The following UNC80 variants were observed in gnomAD, a reference collection of about 807,000 sequenced individuals.
UNC80 encodes unc-80 subunit of NALCN channel complex.
A neutral mutation model predicts 384.6 loss-of-function variants in UNC80; 164 were observed. That is an observed-to-expected ratio of 0.43 (90% CI 0.38 to 0.49). The LOEUF (loss-of-function observed/expected upper bound fraction) is 0.49. Ranked by LOEUF, UNC80 falls within the 20% of genes least tolerant of loss-of-function variation. The pLI is 0.00. For synonymous variants in UNC80, 1,486 were observed against 1,527.8 expected (o/e 0.97, Z 0.64); for missense variants, 3,330 against 4,143.0 (o/e 0.80, Z 5.39).
At chr2:209,918,072 T>C in intron 32 of UNC80, 114 bp downstream of exon 32, 1 of 1,011,636 alleles carries the variant, frequency 9.9e-7, no homozygotes, top group Non-Finnish European at 1.4e-6. Flanking sequence ...CTTTTTTCTC[T>C]CTGATCATAT....
In UNC80 at chr2:209,849,562, T is replaced by C. The variant is rs2082378769; in HGVS notation, c.3566T>C (p.Leu1189Ser). The C allele has an allele frequency of 1.3e-6, 2 of 1,550,920 alleles. No individual in the cohort carries two copies. The highest frequency in any genetic ancestry group is 2.4e-5 in the South Asian group (2 of 84,042). Residue 1189 changes from leucine to serine, a missense_variant, in exon 22 of 65, where the codon TTA (leucine) becomes TCA (serine). Leu to Ser is a moderately radical substitution (Grantham distance 145). Coordinates refer to ENST00000673920, the MANE Select transcript of UNC80 (RefSeq NM_001371986.1). ...RQGMKRFQFL[L>S]NCCEPGTIPD... ...GGCATGAAACGCTTCCAATTTCTGT[T>C]AAACTGCTGTGAGCCAGGGACAATT...
At chr2:209,946,299 G>A (rs1276969452) in intron 47 of UNC80, among the ~76,000 whole-genome samples, 4 of 151,616 alleles carry the variant, frequency 2.6e-5, no homozygotes, top group Admixed American at 6.6e-5. Flanking sequence ...AATCCCAGGC[G>A]GTCAAGGCTG....
chr2:209,966,259 T>A (rs1315337807), intron 51 of UNC80, among the ~76,000 whole-genome samples: 1 of 152,236 alleles, frequency 6.6e-6, no homozygotes, highest in East Asian at 1.9e-4. Flanking sequence ...TGACAAAGAA[T>A]ATGAACATTT....
chr2:209,872,047 G>A lies in UNC80; in HGVS notation c.3628-711G>A, dbSNP rs2084348736. 6.6e-6 allele frequency among the ~76,000 whole-genome samples: 1 copy of A among 151,644 alleles called. No individual in the cohort carries two copies. Among genetic ancestry groups the A allele is most frequent in the South Asian group, 2.1e-4 (1 of 4,822 alleles). ...AGGTGGAGTCTCACTCTGTCTCCCA[G>A]GCTGGAGTGCAGTGGCGCGATCTCA... On this transcript the variant is annotated intron_variant, in intron 22 of 64. Transcript: ENST00000673920. The surrounding 1 kb of genome is among the most constrained non-coding windows in gnomAD (Gnocchi z 4.1).
chr2:209,810,727 C>T (rs1414790237), intron 7 of UNC80, among the ~76,000 whole-genome samples: 1 of 152,282 alleles, frequency 6.6e-6, no homozygotes, highest in East Asian at 1.9e-4. Context: ...GGGTGAAGAA[C>T]AACTACCAGC....
At chr2:209,794,641 G>A (rs1032116166) in intron 7 of UNC80, among the ~76,000 whole-genome samples, 5 of 152,216 alleles carry the variant, frequency 3.3e-5, no homozygotes, top group Non-Finnish European at 5.9e-5. Flanking sequence ...CCCACGTGTT[G>A]TGGGAGGGAC....
At chr2:209,947,506 A>G (rs114885517) in intron 47 of UNC80, among the ~76,000 whole-genome samples, 8 of 152,324 alleles carry the variant, frequency 5.3e-5, no homozygotes, top group Non-Finnish European at 7.3e-5. Flanking sequence ...TGTCATTGTG[A>G]GTTAAAAGCC....
At chr2:209,840,773 C>A in intron 20 of UNC80, 125 bp downstream of exon 20, 2 of 730,242 alleles carry the variant, frequency 2.7e-6, no homozygotes, top group Non-Finnish European at 4.5e-6. Flanking sequence ...TCCAGATGAG[C>A]TAACTTTGGA....
intron 7 of UNC80, among the ~76,000 whole-genome samples, chr2:209,810,979 A>AATT (rs1393320526): frequency 6.6e-6 from 1 of 152,120 alleles, no homozygotes; most frequent in African/African-American, 2.4e-5. Flanking sequence ...CTGAGGTATA[A>AATT]ATGATAGGCT....
intron 24 of UNC80, among the ~76,000 whole-genome samples, chr2:209,879,576 C>T (rs898235557): frequency 2.0e-5 from 3 of 152,086 alleles, no homozygotes; most frequent in African/African-American, 4.8e-5. Flanking sequence ...AGGAGTGAAA[C>T]GGCAGACCCA....
At chr2:209,784,383 A>C (rs568139299) in intron 4 of UNC80, among the ~76,000 whole-genome samples, 1 of 152,250 alleles carries the variant, frequency 6.6e-6, no homozygotes, top group African/African-American at 2.4e-5. Context: ...ATAATTGCTA[A>C]AGTCCTTATC....
intron 27 of UNC80, among the ~76,000 whole-genome samples, chr2:209,895,589 A>G (rs1057029907): frequency 2.0e-5 from 3 of 152,214 alleles, no homozygotes; most frequent in African/African-American, 7.2e-5. Context: ...GCAATTAATT[A>G]TTTAAATTGA....
At chr2:209,905,154 G>A (rs2088031055) in intron 29 of UNC80, among the ~76,000 whole-genome samples, 189 bp downstream of exon 29, 1 of 152,120 alleles carries the variant, frequency 6.6e-6, no homozygotes, top group Non-Finnish European at 1.5e-5. Context: ...AGTAAACATG[G>A]AATCTTTCCT....
chr2:209,814,374 T>TAC (rs2079580564), intron 8 of UNC80, among the ~76,000 whole-genome samples: 2 of 152,172 alleles, frequency 1.3e-5, no homozygotes, highest in African/African-American at 4.8e-5. Context: ...TAGCTGGGAC[T>TAC]GCAGGACTAC....
intron 28 of UNC80, among the ~76,000 whole-genome samples, chr2:209,903,170 G>A (rs2087624460): frequency 6.6e-6 from 1 of 150,476 alleles, no homozygotes; most frequent in Non-Finnish European, 1.5e-5. Flanking sequence ...TCCCAAAAAT[G>A]TCTGTGCATT....
rs2088340326 is a variant in UNC80 at position 209,907,252 on chromosome 2, C to A, written c.4782+2287C>A. Among the ~76,000 whole-genome samples, 4 of 143,494 alleles carry A rather than the reference C, an allele frequency of 2.8e-5. No homozygotes were observed. The South Asian group carries it at 6.6e-4, about 24-fold the overall frequency. The allele number at this position is 143,494 out of a possible 152,430, so 94.1% of individuals were successfully genotyped here. A position where few individuals can be genotyped will look rare whatever the true frequency, so the allele number is the denominator to read the frequency against. ...ACAGGCTTTTAAAGAACCTGTGGAC[C>A]ATGCTGAGCCCATACTTTGCGCTGG... On this transcript the variant is annotated intron_variant, in intron 29 of 64. Transcript: ENST00000673920.
chr2:209,941,261 C>G lies in UNC80; in HGVS notation c.6687C>G (p.Ser2229Arg), dbSNP rs2091612601. The G allele has an allele frequency of 6.5e-7, 1 of 1,536,962 alleles. No individual in the cohort carries two copies. The highest frequency in any genetic ancestry group is 2.5e-5 in the East Asian group (1 of 40,506). ...TTGGCCTCGACACTCTTCAGAAAAGCTTGTGGATCCAGCTGCTGGAGGAAA... is the reference window on the plus strand; with the variant it reads ...TTGGCCTCGACACTCTTCAGAAAAGGTTGTGGATCCAGCTGCTGGAGGAAA... ...ELFGLDTLQK[S>R]LWIQLLEEMF... Residue 2229 changes from serine to arginine, a missense_variant, in exon 44 of 65, where the codon AGC becomes AGG. Transcript: ENST00000673920.
chr2:209,944,988 C>T, intron 45 of UNC80, 63 bp from the exon 46 acceptor site: 1 of 1,514,410 alleles, frequency 6.6e-7, no homozygotes, highest in Non-Finnish European at 8.9e-7. Flanking sequence ...AATTTGAATT[C>T]CTGTCAAGTT....
At chr2:209,902,460 G>A (rs1232942010) in intron 28 of UNC80, among the ~76,000 whole-genome samples, 1 of 152,182 alleles carries the variant, frequency 6.6e-6, no homozygotes. Context: ...GTTCTACTGT[G>A]AGTAAAATGC....
Sources: allele counts gnomAD v4.1 joint callset (sites outside exome capture counted in the v4.1 genomes callset), GRCh38; gene constraint gnomAD v4.1.1; non-coding constraint Gnocchi (gnomAD v3.1); transcripts MANE v1.5; gene names NCBI Gene and HGNC (gene_info 2026-07-23, HGNC 2026-07-21).